Variants in FRMPD1 observed in about 807,000 individuals in gnomAD.
The protein encoded by FRMPD1 is FERM and PDZ domain containing 1.
Under a neutral mutation model 117.8 loss-of-function variants are expected in FRMPD1, and 76 were observed. The ratio of observed to expected loss-of-function variants is 0.65; its 90% CI spans 0.54 to 0.78. The LOEUF (loss-of-function observed/expected upper bound fraction) is 0.78, where lower values mean the gene tolerates loss of function less well. Ranked by LOEUF, FRMPD1 falls within the 30% of genes least tolerant of loss-of-function variation. The pLI, the probability that FRMPD1 is intolerant of heterozygous loss-of-function variation, is 0.00. For missense variants in FRMPD1, 1,786 were observed against 1,964.5 expected, an observed-to-expected ratio of 0.91 and a Z score of 1.72; for synonymous variants, 783 against 770.4, an observed-to-expected ratio of 1.02 and a Z score of -0.27.
rs769887939 is a variant in FRMPD1 at position 37,729,860 on chromosome 9, AG to A, written c.738+9del. 6.2e-7 allele frequency: 1 copy of A among 1,612,580 alleles called. No homozygotes were observed. Among genetic ancestry groups the A allele is most frequent in the South Asian group, 1.1e-5 (1 of 90,914 alleles). ...AGAGGAACTCATCCAGCAGGTAGGG[AG>A]GACTGACCGCCTGTTCCTGGGAGGC... On this transcript the variant is annotated splice_region_variant and intron_variant, in intron 8 of 15. Coordinates refer to ENST00000377765, the MANE Select transcript of FRMPD1 (RefSeq NM_014907.3).
At chr9:37,714,652 T>TTTGTTTTATTTTATTTTATC (rs1563945021) in intron 5 of FRMPD1, among the ~76,000 whole-genome samples, 2 of 78,752 alleles carry the variant, frequency 2.5e-5, no homozygotes, top group East Asian at 1.2e-3. Context: ...TTTATCTTAT[T>TTTGTTTTATTTTATTTTATC]TTATTTATTT....
intron 1 of FRMPD1, among the ~76,000 whole-genome samples, chr9:37,687,505 G>C (rs1465621895): frequency 1.3e-5 from 2 of 152,208 alleles, no homozygotes; most frequent in Non-Finnish European, 2.9e-5. Flanking sequence ...CGATCCTAGA[G>C]GGGGCCCAAC....
Position 37,737,196 on chromosome 9 carries a change from T to C in FRMPD1, c.1502T>C (p.Leu501Pro). 2 of 1,614,084 alleles carry C rather than the reference T, an allele frequency of 1.2e-6. No homozygotes were observed. Among genetic ancestry groups the C allele is most frequent in the Non-Finnish European group, 1.7e-6 (2 of 1,179,994 alleles). Residue 501 changes from leucine to proline, a missense_variant, in exon 14 of 16, where the codon CTC (leucine) becomes CCC (proline). Leu to Pro is a moderately conservative substitution (Grantham distance 98). Coordinates refer to ENST00000377765, the MANE Select transcript of FRMPD1 (RefSeq NM_014907.3). ...GTTGACCCAGTTACCTCCATTTTCC[T>C]CTGGCCTGGAAACAAACAACAAGCG... is the stretch of plus-strand genomic sequence containing the variant. Reference protein sequence around the residue: ...LLVDPVTSIFLWPGNKQQAHR... With the variant: ...LLVDPVTSIFPWPGNKQQAHR...
intron 14 of FRMPD1, among the ~76,000 whole-genome samples, chr9:37,739,833 G>T (rs182098529): frequency 1.4e-4 from 21 of 152,280 alleles, no homozygotes; most frequent in Admixed American, 3.9e-4. Context: ...TGGAGGTGGG[G>T]ATGGAGTTAA....
At chr9:37,638,977 C>G in the FRMPD1 span, among the ~76,000 whole-genome samples, 1 of 152,058 alleles carries the variant, frequency 6.6e-6, no homozygotes, top group African/African-American at 2.4e-5. Flanking sequence ...CGTAGCACTC[C>G]CAGGTAAAAA....
At chr9:37,612,797 C>A in the FRMPD1 span, among the ~76,000 whole-genome samples, 1 of 152,094 alleles carries the variant, frequency 6.6e-6, no homozygotes, top group Non-Finnish European at 1.5e-5. Flanking sequence ...CAGCCTACTT[C>A]AAAGTATTTT....
At chr9:37,741,770 C>T (rs1365248030) in intron 15 of FRMPD1, among the ~76,000 whole-genome samples, 1 of 152,200 alleles carries the variant, frequency 6.6e-6, no homozygotes, top group African/African-American at 2.4e-5. Flanking sequence ...TTGCCACTTT[C>T]TACAAGTGCC....
chr9:37,640,219 G>A, the FRMPD1 span, among the ~76,000 whole-genome samples: 33 of 152,212 alleles, frequency 2.2e-4, no homozygotes, highest in Admixed American at 3.9e-4. Context: ...GGTGGTGCGT[G>A]TTAAGGGATT....
At chr9:37,726,068 A>G (rs1180621882) in intron 7 of FRMPD1, among the ~76,000 whole-genome samples, 6 of 152,234 alleles carry the variant, frequency 3.9e-5, no homozygotes, top group Non-Finnish European at 8.8e-5. Flanking sequence ...TTAAGATGAC[A>G]GAGAGAGTTG....
At chr9:37,679,188 G>A (rs1821636575) in intron 1 of FRMPD1, among the ~76,000 whole-genome samples, 1 of 152,220 alleles carries the variant, frequency 6.6e-6, no homozygotes, top group Admixed American at 6.5e-5. Flanking sequence ...AACATCTTTT[G>A]AGAGAGCAGC....
intron 2 of FRMPD1, among the ~76,000 whole-genome samples, chr9:37,700,222 T>A (rs953096109): frequency 6.6e-6 from 1 of 152,102 alleles, no homozygotes; most frequent in African/African-American, 2.4e-5. Context: ...GAATCCTGTT[T>A]TTAAAGTAAT....
chr9:37,680,357 G>A (rs117609354), intron 1 of FRMPD1, among the ~76,000 whole-genome samples: 3,925 of 152,256 alleles, frequency 0.026, 82 homozygotes, highest in Non-Finnish European at 0.043. Context: ...AGTGCTTTTC[G>A]TTTAAATTGC....
rs1824659637 is a variant in FRMPD1 at position 37,745,522 on chromosome 9, G to T, written c.3490G>T (p.Asp1164Tyr). The change falls in exon 16 of 16, where the codon GAT (aspartate) becomes TAT (tyrosine). Residue 1164 changes from aspartate to tyrosine, a missense_variant. Coordinates refer to ENST00000377765, the MANE Select transcript of FRMPD1 (RefSeq NM_014907.3). ...AGKIVTSLSL[D>Y]APVTGTEQIP... is the part of the protein sequence containing the mutation. The stretch of plus-strand genomic sequence containing the variant: ...TAAAATAGTAACCTCCCTTTCTTTA[G>T]ATGCTCCTGTAACAGGGACCGAGCA... 2 of 1,614,094 alleles carry T rather than the reference G, an allele frequency of 1.2e-6. No homozygotes were observed. The highest frequency in any genetic ancestry group is 4.5e-5 in the East Asian group (2 of 44,880).
rs1563962390 is a variant in FRMPD1 at position 37,740,667 on chromosome 9, C to CT, written c.2140dup (p.Ser714PhefsTer8). 1 of 1,614,160 alleles carries CT rather than the reference C, an allele frequency of 6.2e-7. No homozygotes were observed. On this transcript the variant is annotated frameshift_variant, in exon 15 of 16. Coordinates refer to ENST00000377765, the MANE Select transcript of FRMPD1 (RefSeq NM_014907.3). LOFTEE classifies it high-confidence loss of function. This position sits in a 1 kb window ranked among gnomAD's most constrained non-coding sequence, Gnocchi z 4.2. ...ACTACTACAGCCTGTGTTCCAGTGT[C>CT]TCCCCGGCCAGCTACCTGAGTGACA...
chr9:37,695,006 AATAGATAGATAGATAG>A (rs74171518), intron 2 of FRMPD1, among the ~76,000 whole-genome samples: 13 of 150,812 alleles, frequency 8.6e-5, no homozygotes, highest in South Asian at 4.3e-4. Flanking sequence ...GCCAAATAAG[AATAGATAGATAGATAG>A]ATAGATAGAT....
the FRMPD1 span, among the ~76,000 whole-genome samples, chr9:37,633,684 A>G: frequency 6.6e-6 from 1 of 152,132 alleles, no homozygotes; most frequent in African/African-American, 2.4e-5. Context: ...ATATAGCAGG[A>G]CCCTGTCTCT....
intron 1 of FRMPD1, among the ~76,000 whole-genome samples, chr9:37,673,892 G>A (rs557828502): frequency 1.3e-5 from 2 of 152,342 alleles, no homozygotes; most frequent in South Asian, 4.1e-4. Flanking sequence ...CCCTGTGCCT[G>A]GCCTATGAAA....
At chr9:37,677,424 T>G (rs2117891877) in intron 1 of FRMPD1, among the ~76,000 whole-genome samples, 1 of 152,374 alleles carries the variant, frequency 6.6e-6, no homozygotes, top group Non-Finnish European at 1.5e-5. Flanking sequence ...TCTAACCTTC[T>G]GAAATGAAGA....
At chr9:37,684,863 C>A (rs1030384375) in intron 1 of FRMPD1, among the ~76,000 whole-genome samples, 1 of 152,166 alleles carries the variant, frequency 6.6e-6, no homozygotes, top group East Asian at 1.9e-4. Flanking sequence ...AGGTGATCCT[C>A]CTACCTTAGC....
Sources: gnomAD v4.1 joint callset for allele counts (sites outside exome capture counted in the v4.1 genomes callset) on GRCh38, gnomAD v4.1.1 for gene constraint, Gnocchi (gnomAD v3.1) non-coding constraint, MANE v1.5 for transcripts, NCBI Gene and HGNC (gene_info 2026-07-23, HGNC 2026-07-21) for gene names.